SOX6: variants seen among roughly 807,000 people sequenced by gnomAD.
The protein encoded by SOX6 is transcription factor SOX-6.
In SOX6, 11 loss-of-function variants were observed where a neutral mutation model predicts 97.8. That is an observed-to-expected ratio of 0.11 (90% CI 0.07 to 0.19). SOX6 has a LOEUF of 0.19. Ranked by LOEUF, SOX6 falls within the 10% of genes least tolerant of loss-of-function variation. The probability of loss-of-function intolerance (pLI) is 1.00; values close to 1 mark genes in which losing one functional copy is unlikely to be tolerated. For missense variants in SOX6, 810 were observed against 1,039.5 expected, an observed-to-expected ratio of 0.78 and a Z score of 3.04; for synonymous variants, 360 against 371.4, an observed-to-expected ratio of 0.97 and a Z score of 0.35.
chr11:16,510,925 G>A (rs1303120380), intron 4 of SOX6, among the ~76,000 whole-genome samples: 3 of 151,962 alleles, frequency 2.0e-5, no homozygotes, highest in Non-Finnish European at 2.9e-5. Flanking sequence ...CTAACTGAAG[G>A]CAAATATAAT....
intron 12 of SOX6, among the ~76,000 whole-genome samples, chr11:16,036,655 C>A (rs1281162375): frequency 6.6e-6 from 1 of 152,096 alleles, no homozygotes; most frequent in African/African-American, 2.4e-5. Context: ...GGAAAATCTT[C>A]AGGATATACC....
intron 4 of SOX6, among the ~76,000 whole-genome samples, chr11:16,606,887 G>A (rs761854875): frequency 6.6e-6 from 1 of 152,168 alleles, no homozygotes. Flanking sequence ...CCGGAACAAG[G>A]CGCAACTCTC....
chr11:16,646,131 G>T (rs1306875659), intron 3 of SOX6: 1 of 152,152 alleles, frequency 6.6e-6, no homozygotes, highest in Non-Finnish European at 1.5e-5. Context: ...CTGGGACAAG[G>T]TGTTTTTATG....
intron 3 of SOX6, among the ~76,000 whole-genome samples, chr11:16,310,090 G>T (rs1855554142): frequency 6.6e-6 from 1 of 152,100 alleles, no homozygotes; most frequent in South Asian, 2.1e-4. Flanking sequence ...AATCTGAGGA[G>T]ATAGAAATGA....
intron 4 of SOX6, among the ~76,000 whole-genome samples, chr11:16,520,258 A>G (rs1312490134): frequency 6.6e-6 from 1 of 152,214 alleles, no homozygotes; most frequent in African/African-American, 2.4e-5. Flanking sequence ...GGTCATAGTC[A>G]TGAATTCTTT....
At chr11:16,146,539 A>G (rs1268207623) in intron 6 of SOX6, among the ~76,000 whole-genome samples, 1 of 152,244 alleles carries the variant, frequency 6.6e-6, no homozygotes, top group African/African-American at 2.4e-5. Flanking sequence ...GCACAGCAAA[A>G]GAAACTATCA....
At chr11:16,245,373 T>C (rs1471791277) in intron 3 of SOX6, among the ~76,000 whole-genome samples, 1 of 151,774 alleles carries the variant, frequency 6.6e-6, no homozygotes, top group Non-Finnish European at 1.5e-5. Context: ...GGGATGTTCC[T>C]TATTCCCTTG....
At chr11:16,182,160 G>C (rs968757617) in intron 6 of SOX6, among the ~76,000 whole-genome samples, 1 of 151,730 alleles carries the variant, frequency 6.6e-6, no homozygotes, top group Non-Finnish European at 1.5e-5. Context: ...TGTTCACCTG[G>C]AGTTCTCAGT....
intron 9 of SOX6, among the ~76,000 whole-genome samples, chr11:16,083,966 T>G (rs1254246220): frequency 6.6e-6 from 1 of 152,148 alleles, no homozygotes; most frequent in Non-Finnish European, 1.5e-5. Context: ...AATTGTACAA[T>G]CTCATTGCCT....
chr11:16,484,015 C>T (rs749495498), intron 4 of SOX6: 11 of 823,288 alleles, frequency 1.3e-5, no homozygotes, highest in East Asian at 7.3e-5. Context: ...GCAAGGTCCT[C>T]GGGCTTGGCC....
chr11:16,630,733 T>C (rs1295066924), intron 3 of SOX6, among the ~76,000 whole-genome samples: 2 of 152,230 alleles, frequency 1.3e-5, no homozygotes, highest in Non-Finnish European at 2.9e-5. Flanking sequence ...TTTTCATAGG[T>C]CTAGAAGTAC....
In SOX6 at chr11:16,448,301, C is replaced by T. The variant is rs546970112; in HGVS notation, c.-5+28014G>A. Among the ~76,000 whole-genome samples, 20 of 152,284 alleles carry T rather than the reference C, an allele frequency of 1.3e-4. No individual in the cohort carries two copies. The South Asian group carries it at 3.9e-3, about 30-fold the overall frequency. Reference sequence around the variant, plus strand: ...AAGCACCTTTCCCCTACACTTTGAGCTCATGTGTTTCCTTGGGAAACTAAA... The same window carrying T: ...AAGCACCTTTCCCCTACACTTTGAGTTCATGTGTTTCCTTGGGAAACTAAA... On this transcript the variant is annotated intron_variant, in intron 1 of 15. Coordinates refer to the SOX6 transcript ENST00000396356.
chr11:16,447,156 T>A (rs1163713590), intron 1 of SOX6, among the ~76,000 whole-genome samples: 2 of 152,138 alleles, frequency 1.3e-5, no homozygotes, highest in Admixed American at 6.5e-5. Flanking sequence ...AAGTCTGTTT[T>A]TATTTGCTTT....
chr11:16,620,376 A>G (rs559907667), intron 3 of SOX6, among the ~76,000 whole-genome samples: 2 of 152,316 alleles, frequency 1.3e-5, no homozygotes, highest in South Asian at 2.1e-4. Context: ...ATATGAGTAT[A>G]TGTTATCTAT....
intron 9 of SOX6, among the ~76,000 whole-genome samples, chr11:16,063,501 TATATA>T (rs2133932027): frequency 2.9e-4 from 2 of 6,812 alleles, no homozygotes; most frequent in East Asian, 6.7e-3. Flanking sequence ...TAATTTTATA[TATATA>T]TATATATATA....
chr11:16,615,333 T>C (rs1848458405), intron 3 of SOX6, among the ~76,000 whole-genome samples: 1 of 152,214 alleles, frequency 6.6e-6, no homozygotes, highest in Admixed American at 6.5e-5. Context: ...CTCAGAGCGC[T>C]CTTGGTTTTG....
At chr11:16,433,820 C>T (rs139662826) in intron 1 of SOX6, among the ~76,000 whole-genome samples, 11 of 152,124 alleles carry the variant, frequency 7.2e-5, no homozygotes, top group Middle Eastern at 3.4e-3. Flanking sequence ...GGATAACATA[C>T]AGTTTATAAA....
chr11:16,371,960 T>C (rs1334266292), intron 1 of SOX6, among the ~76,000 whole-genome samples: 1 of 152,084 alleles, frequency 6.6e-6, no homozygotes, highest in African/African-American at 2.4e-5. Context: ...TAGATAATAC[T>C]CAGTATATGT....
intron 3 of SOX6, among the ~76,000 whole-genome samples, chr11:16,650,339 C>T (rs1370314916): frequency 1.3e-5 from 2 of 152,092 alleles, no homozygotes; most frequent in African/African-American, 4.8e-5. Flanking sequence ...TTCTTTTCTT[C>T]AGCACATGAA....
Sources: gnomAD v4.1 joint callset for allele counts (sites outside exome capture counted in the v4.1 genomes callset) on GRCh38, gnomAD v4.1.1 for gene constraint, MANE v1.5 for transcripts, NCBI Gene and HGNC (gene_info 2026-07-23, HGNC 2026-07-21) for gene names.